IGSF10: variants seen among roughly 807,000 people sequenced by gnomAD.
The protein encoded by IGSF10 is immunoglobulin superfamily member 10.
A neutral mutation model predicts 128.2 loss-of-function variants in IGSF10; 126 were observed. That is an observed-to-expected ratio of 0.98 (90% CI 0.85 to 1.14). IGSF10 has a LOEUF of 1.14. IGSF10 is among the 50% of genes most tolerant of loss of function. The pLI, the probability that IGSF10 is intolerant of heterozygous loss-of-function variation, is 0.00. For missense variants in IGSF10, 3,295 were observed against 3,149.8 expected, an observed-to-expected ratio of 1.05 and a Z score of -1.10; for synonymous variants, 1,185 against 1,146.2, an observed-to-expected ratio of 1.03 and a Z score of -0.68.
the IGSF10 span, among the ~76,000 whole-genome samples, chr3:151,489,717 A>G: frequency 6.6e-6 from 1 of 152,178 alleles, no homozygotes; most frequent in Non-Finnish European, 1.5e-5. Context: ...AAACTAACAG[A>G]AGAACAGAAA....
chr3:151,437,027 C>T lies in IGSF10; in HGVS notation c.7534G>A (p.Val2512Ile). The T allele has an allele frequency of 9.3e-6, 15 of 1,614,192 alleles. No individual in the cohort carries two copies. Among genetic ancestry groups the T allele is most frequent in the Non-Finnish European group, 1.3e-5 (15 of 1,180,016 alleles). Residue 2512 changes from valine to isoleucine, a missense_variant, in exon 8 of 8, where the codon GTT becomes ATT. By Grantham distance (29) the Val-to-Ile change is conservative. Transcript: ENST00000282466. ...GNYICKAQNS[V>I]GHTLITVPVM... ...GGAACAGTAATCAGTGTATGACCAA[C>T]ACTATTTTGAGCCTTACAGATATAG... is the stretch of plus-strand genomic sequence containing the variant.
intron 2 of IGSF10, 50 bp downstream of exon 2, chr3:151,460,211 C>T (rs192635885): frequency 1.9e-6 from 1 of 527,912 alleles, no homozygotes; most frequent in Non-Finnish European, 2.4e-6. Context: ...AAGGGATTCT[C>T]ACAAACGTAA....
chr3:151,524,121 A>T, the IGSF10 span, among the ~76,000 whole-genome samples: 1 of 152,250 alleles, frequency 6.6e-6, no homozygotes, highest in African/African-American at 2.4e-5. Context: ...AAAAAAGTAG[A>T]AAAAATAACA....
At chr3:151,608,119 T>C in the IGSF10 span, among the ~76,000 whole-genome samples, 1 of 152,084 alleles carries the variant, frequency 6.6e-6, no homozygotes. Flanking sequence ...ATGAAATATT[T>C]GACTCTCAAA....
At chr3:151,469,348 G>A in the IGSF10 span, among the ~76,000 whole-genome samples, 71 of 152,230 alleles carry the variant, frequency 4.7e-4, no homozygotes, top group Middle Eastern at 0.01. Context: ...TTTACATTCT[G>A]TGGTGGGGGT....
the IGSF10 span, among the ~76,000 whole-genome samples, chr3:151,553,612 G>C: frequency 6.8e-6 from 1 of 148,018 alleles, no homozygotes; most frequent in African/African-American, 2.5e-5. Flanking sequence ...CTCTCTCTCT[G>C]TGTCTCTGTC....
chr3:151,606,051 T>TG, the IGSF10 span, among the ~76,000 whole-genome samples: 1 of 152,208 alleles, frequency 6.6e-6, no homozygotes, highest in Non-Finnish European at 1.5e-5. Flanking sequence ...CCAATTTCAC[T>TG]GGGTGACATT....
the IGSF10 span, among the ~76,000 whole-genome samples, chr3:151,490,377 A>G: frequency 1.3e-5 from 2 of 152,182 alleles, no homozygotes; most frequent in Non-Finnish European, 2.9e-5. Context: ...CTAAATGTAT[A>G]AATATTAATG....
the IGSF10 span, among the ~76,000 whole-genome samples, chr3:151,543,865 A>T: frequency 6.6e-5 from 10 of 152,032 alleles, no homozygotes; most frequent in Non-Finnish European, 1.2e-4. Context: ...GCTATTGATA[A>T]TTTCCCCCAA....
rs566871678 is a variant in IGSF10, at chr3:151,438,768, G to GGT, written c.5964-173_5964-172dup. Among the ~76,000 whole-genome samples, 28 of 150,376 alleles carry GGT rather than the reference G, an allele frequency of 1.9e-4. No individual in the cohort carries two copies. In the South Asian group the frequency reaches 4.4e-3, roughly 24 times the overall value. On this transcript the variant is annotated intron_variant, in intron 7 of 7. Transcript: ENST00000282466. Reference sequence around the variant, plus strand: ...TGAGAGAGATATATATACATTTTGAGGTGTGTGTGTATATATATACACATA... The same window carrying GGT: ...TGAGAGAGATATATATACATTTTGAGGTGTGTGTGTGTATATATATACACATA...
chr3:151,602,234 A>G, the IGSF10 span, among the ~76,000 whole-genome samples: 7 of 152,334 alleles, frequency 4.6e-5, no homozygotes, highest in African/African-American at 1.7e-4. Context: ...ATATCATTAC[A>G]TATGGAGAAT....
the IGSF10 span, among the ~76,000 whole-genome samples, chr3:151,567,979 G>A: frequency 6.6e-6 from 1 of 152,076 alleles, no homozygotes; most frequent in Non-Finnish European, 1.5e-5. Flanking sequence ...CTTACTATAA[G>A]TGATCAAAAC....
rs1326249274 is a variant in IGSF10, at chr3:151,446,132, A to G, written c.3849T>C (p.Leu1283=). ...GGAAGGGAAGCTCCTTCTTTGTTGGAAGACTTCCAGGATTGTGTGTTTTGG... is the reference window on the plus strand; with the variant it reads ...GGAAGGGAAGCTCCTTCTTTGTTGGGAGACTTCCAGGATTGTGTGTTTTGG... The part of the protein sequence containing the change: ...TTTKTHNPGS[L]PTKKELPFPP... Residue 1283 remains leucine (L), a synonymous_variant, in exon 6 of 8, where the codon CTT becomes CTC. Transcript: ENST00000282466. The G allele has an allele frequency of 2.5e-6, 4 of 1,614,002 alleles. No homozygotes were observed. The African/African-American group carries it at 4.0e-5, about 16-fold the overall frequency.
chr3:151,585,614 C>G, the IGSF10 span, among the ~76,000 whole-genome samples: 3 of 152,032 alleles, frequency 2.0e-5, no homozygotes, highest in African/African-American at 7.2e-5. Context: ...TGGGATTATT[C>G]TCTTCTGCCT....
the IGSF10 span, among the ~76,000 whole-genome samples, chr3:151,518,063 G>T: frequency 6.6e-6 from 1 of 151,924 alleles, no homozygotes; most frequent in African/African-American, 2.4e-5. Flanking sequence ...ACCAAAAGGG[G>T]TAATTGTTAA....
chr3:151,474,391 A>T, the IGSF10 span, among the ~76,000 whole-genome samples: 1 of 152,208 alleles, frequency 6.6e-6, no homozygotes, highest in African/African-American at 2.4e-5. Context: ...GTTTGCACAT[A>T]ATCCTAAGTG....
chr3:151,558,018 A>ATTATATATATTATATATAATATATATT, the IGSF10 span, among the ~76,000 whole-genome samples: 4 of 15,220 alleles, frequency 2.6e-4, no homozygotes, highest in South Asian at 2.5e-3. Flanking sequence ...ATATATATAT[A>ATTATATATATTATATATAATATATATT]ATATATATAT....
chr3:151,442,659 G>A (rs1373928427), intron 7 of IGSF10, among the ~76,000 whole-genome samples: 5 of 151,148 alleles, frequency 3.3e-5, no homozygotes, highest in South Asian at 4.2e-4. Flanking sequence ...AAAGTGCTAG[G>A]ATTACAGGCG....
In IGSF10 at chr3:151,444,984, G is replaced by C. The variant is rs202113160; in HGVS notation, c.4997C>G (p.Ala1666Gly). Reference protein sequence around the residue: ...ASFTIPANSDAFLPCEAVGNP... With the variant: ...ASFTIPANSDGFLPCEAVGNP... ...TCCAACAGCTTCACAGGGAAGAAAG[G>C]CATCTGAGTTAGCTGGAATAGTAAA... Residue 1666 changes from alanine (A) to glycine (G), a missense_variant, in exon 6 of 8, where the codon GCC becomes GGC. Physicochemically the swap from Ala to Gly is moderately conservative, Grantham distance 60. Transcript: ENST00000282466. 409 of 1,613,992 alleles carry C rather than the reference G, an allele frequency of 2.5e-4. No homozygotes were observed. The highest frequency in any genetic ancestry group is 3.4e-4 in the Non-Finnish European group (396 of 1,179,986).
Sources: allele counts gnomAD v4.1 joint callset (sites outside exome capture counted in the v4.1 genomes callset), GRCh38; gene constraint gnomAD v4.1.1; transcripts MANE v1.5; gene names NCBI Gene and HGNC (gene_info 2026-07-23, HGNC 2026-07-21).